FANCI: variants seen among roughly 807,000 people sequenced by gnomAD.
The protein encoded by FANCI is Fanconi anemia group I protein.
Under a neutral mutation model 176.1 loss-of-function variants are expected in FANCI, and 156 were observed. That is an observed-to-expected ratio of 0.89 (90% CI 0.78 to 1.01). FANCI has a LOEUF of 1.01. Ranked by LOEUF, FANCI falls within the 50% of genes least tolerant of loss-of-function variation. The probability of loss-of-function intolerance (pLI) is 0.00; values close to 1 mark genes in which losing one functional copy is unlikely to be tolerated. For synonymous variants in FANCI, 613 were observed against 541.7 expected, an observed-to-expected ratio of 1.13 and a Z score of -1.83; for missense variants, 1,678 against 1,534.1, an observed-to-expected ratio of 1.09 and a Z score of -1.57.
intron 19 of FANCI, 42 bp from the exon 20 acceptor site, chr15:89,291,571 C>A: frequency 1.3e-6 from 2 of 1,512,660 alleles, no homozygotes; most frequent in Non-Finnish European, 1.8e-6. Context: ...AAGTAAAAAG[C>A]ATTTATGAGC....
chr15:89,296,615 C>G (rs1035797985), intron 24 of FANCI, among the ~76,000 whole-genome samples: 1 of 152,162 alleles, frequency 6.6e-6, no homozygotes, highest in Non-Finnish European at 1.5e-5. Flanking sequence ...GACATGGCAA[C>G]CATCCGATTT....
rs775363159 is a variant in FANCI at position 89,278,738 on chromosome 15, G to C, written c.1345G>C (p.Val449Leu). ...TTTGGAGCAGGTCCTCAACAGGGTT[G>C]TTACCAGAGCATCTTCTCCCATCAG... ...EILEQVLNRV[V>L]TRASSPISHF... is the part of the protein sequence containing the mutation. Residue 449 changes from valine (V) to leucine (L), a missense_variant, in exon 14 of 38, where the codon GTT becomes CTT. Around this residue, in one of 3 missense-constraint regions of FANCI, gnomAD observed 1,204 missense variants for 1,077.4 expected, o/e 1.12. Coordinates refer to ENST00000310775, the MANE Select transcript of FANCI (RefSeq NM_001113378.2). 1 of 1,613,896 alleles carries C rather than the reference G, an allele frequency of 6.2e-7. No individual in the cohort carries two copies. The highest frequency in any genetic ancestry group is 8.5e-7 in the Non-Finnish European group (1 of 1,179,858).
At chr15:89,305,576 G>A (rs1039867156) in intron 30 of FANCI, 29 bp from the exon 31 acceptor site, 3 of 1,610,622 alleles carry the variant, frequency 1.9e-6, no homozygotes, top group Admixed American at 1.7e-5. Context: ...TGTGTGTAGT[G>A]AATCACACCA....
intron 9 of FANCI, among the ~76,000 whole-genome samples, chr15:89,266,238 T>C (rs527902621): frequency 6.3e-4 from 92 of 145,526 alleles, no homozygotes; most frequent in African/African-American, 2.1e-3. Context: ...CTCGGCTCAC[T>C]GCAACCTCTG....
chr15:89,300,281 G>A lies in FANCI; in HGVS notation c.2804-19G>A, dbSNP rs1405559258. 1 of 1,607,984 alleles carries A rather than the reference G, an allele frequency of 6.2e-7. No individual in the cohort carries two copies. The highest frequency in any genetic ancestry group is 2.2e-5 in the East Asian group (1 of 44,838). On this transcript the variant is annotated intron_variant, in intron 25 of 37. Coordinates refer to ENST00000310775, the MANE Select transcript of FANCI (RefSeq NM_001113378.2). The stretch of plus-strand genomic sequence containing the variant: ...TGAGTTTATATCAAAGAAGACAAGA[G>A]TTTCTTTTCCATTCCTAGATGTCAC...
chr15:89,304,519 G>A (rs1053808647), intron 28 of FANCI, among the ~76,000 whole-genome samples: 1 of 152,210 alleles, frequency 6.6e-6, no homozygotes, highest in African/African-American at 2.4e-5. Flanking sequence ...CAAGTTAGGA[G>A]GGAGTCCCTA....
rs2152052765 is a variant in FANCI at position 89,316,871 on chromosome 15, G to GT, written c.*413dup. On this transcript the variant is annotated 3_prime_UTR_variant, in exon 38 of 38. Transcript: ENST00000310775. Reference sequence around the variant, plus strand: ...TGGTTAGGATGCCACCTCAAGAACTGTAACTGAGAGCTCAGAAGTGAGCAA... The same window carrying GT: ...TGGTTAGGATGCCACCTCAAGAACTGTTAACTGAGAGCTCAGAAGTGAGCAA... 2 of 1,376,188 alleles carry GT rather than the reference G, an allele frequency of 1.5e-6. No individual in the cohort carries two copies. The highest frequency in any genetic ancestry group is 2.3e-5 in the East Asian group (1 of 43,878). The allele number at this position is 1,376,188 out of a possible 1,614,324, so 85.2% of individuals were successfully genotyped here.
chr15:89,302,239 A>T (rs530481943), intron 27 of FANCI, among the ~76,000 whole-genome samples: 1 of 152,298 alleles, frequency 6.6e-6, no homozygotes, highest in South Asian at 2.1e-4. Context: ...GCGTTTGGGC[A>T]CTAGAAAGCA....
intron 9 of FANCI, among the ~76,000 whole-genome samples, chr15:89,268,045 T>G (rs1323089420): frequency 6.6e-6 from 1 of 152,232 alleles, no homozygotes; most frequent in Non-Finnish European, 1.5e-5. Flanking sequence ...TTGGTCTACT[T>G]GCTCATCGTA....
rs1349947635 is a variant in FANCI, at chr15:89,263,510, A to G, written c.545+50A>G. 3 of 1,461,118 alleles carry G rather than the reference A, an allele frequency of 2.1e-6. No homozygotes were observed. The South Asian group carries it at 3.4e-5, about 17-fold the overall frequency. The allele number at this position is 1,461,118 out of a possible 1,614,324, so 90.5% of individuals were successfully genotyped here. ...TTTGTGTATCCTGCTTTGTGAACTT[A>G]CTTGCTAGAAATTAAACTATAGCAA... is the stretch of plus-strand genomic sequence containing the variant. On this transcript the variant is annotated intron_variant, in intron 7 of 37. Coordinates refer to ENST00000310775, the MANE Select transcript of FANCI (RefSeq NM_001113378.2).
chr15:89,245,511 G>C (rs565582858), intron 1 of FANCI, among the ~76,000 whole-genome samples: 1 of 151,922 alleles, frequency 6.6e-6, no homozygotes, highest in South Asian at 2.1e-4. Context: ...CTGAGCTTTT[G>C]AGGAGATGTG....
At chr15:89,313,223 A>T (rs2055039572) in intron 35 of FANCI, among the ~76,000 whole-genome samples, 1 of 152,066 alleles carries the variant, frequency 6.6e-6, no homozygotes, top group Non-Finnish European at 1.5e-5. Context: ...ATGTTTTAGA[A>T]TTGACTGTGA....
At chr15:89,313,061 G>T in intron 35 of FANCI, 89 bp downstream of exon 35, 1 of 1,216,298 alleles carries the variant, frequency 8.2e-7, no homozygotes. Context: ...AAGACCACGT[G>T]TTGTATGATT....
In FANCI at chr15:89,261,823, G is replaced by A. The variant is rs1406688146; in HGVS notation, c.448G>A (p.Val150Ile). The A allele has an allele frequency of 1.9e-6, 3 of 1,614,072 alleles. No individual in the cohort carries two copies. The highest frequency in any genetic ancestry group is 2.2e-5 in the East Asian group (1 of 44,856). Residue 150 changes from valine to isoleucine, a missense_variant and splice_region_variant, in exon 6 of 38, where the codon GTA (valine) becomes ATA (isoleucine). Coordinates refer to ENST00000310775, the MANE Select transcript of FANCI (RefSeq NM_001113378.2). ...KKENLAYGKGVLSGEECKKQL... is the reference protein window; with the variant it reads ...KKENLAYGKGILSGEECKKQL... ...CTCAGTATATTTTGCATTTCTAGGT[G>A]TACTGAGTGGGGAAGAATGTAAGAA...
At chr15:89,275,684 C>G (rs2053383880) in intron 12 of FANCI, among the ~76,000 whole-genome samples, 1 of 152,134 alleles carries the variant, frequency 6.6e-6, no homozygotes, top group South Asian at 2.1e-4. Flanking sequence ...CAGTATTTTC[C>G]CAACCCAATC....
In FANCI at chr15:89,264,568, C is replaced by T. The variant is rs749779839; in HGVS notation, c.716C>T (p.Ala239Val). The change falls in exon 9 of 38, where the codon GCA (alanine) becomes GTA (valine). Residue 239 changes from alanine to valine, a missense_variant. Coordinates refer to ENST00000310775, the MANE Select transcript of FANCI (RefSeq NM_001113378.2). The stretch of plus-strand genomic sequence containing the variant: ...GAAGGAATCATAGCCTTCTTCAGTG[C>T]ACTAGATAAGCAGCACAATGAGGAA... ...VLEGIIAFFS[A>V]LDKQHNEEQS... The T allele has an allele frequency of 1.9e-6, 3 of 1,613,708 alleles. No individual in the cohort carries two copies. Among genetic ancestry groups the T allele is most frequent in the Admixed American group, 1.7e-5 (1 of 59,984 alleles).
chr15:89,305,307 T>C (rs2054675074), intron 29 of FANCI, 34 bp from the exon 30 acceptor site: 4 of 1,614,146 alleles, frequency 2.5e-6, no homozygotes, highest in Admixed American at 1.7e-5. Flanking sequence ...ACAACCTTAC[T>C]GTCATTAGGT....
rs750425451 is a variant in FANCI, at chr15:89,305,064, C to T, written c.3059-51C>T. 3.7e-6 allele frequency: 6 copies of T among 1,607,636 alleles called. No individual in the cohort carries two copies. The South Asian group carries it at 5.5e-5, about 15-fold the overall frequency. ...GTGCTGGGATTACAGGCGTGAGCCA[C>T]TGCACTTGGCCACAACTTACCTTTT... On this transcript the variant is annotated intron_variant, in intron 28 of 37. Coordinates refer to ENST00000310775, the MANE Select transcript of FANCI (RefSeq NM_001113378.2).
intron 37 of FANCI, among the ~76,000 whole-genome samples, chr15:89,315,955 GC>G (rs767346720): frequency 9.2e-5 from 14 of 152,098 alleles, no homozygotes; most frequent in Non-Finnish European, 2.1e-4. Context: ...CAAATCAGTA[GC>G]CCACTCCCAT....
Sources: allele counts gnomAD v4.1 joint callset (sites outside exome capture counted in the v4.1 genomes callset), GRCh38; gene constraint gnomAD v4.1.1; regional missense constraint gnomAD v4.1.1; transcripts MANE v1.5; gene names NCBI Gene and HGNC (gene_info 2026-07-23, HGNC 2026-07-21).